Variants in WDPCP observed in about 807,000 individuals in gnomAD.
WDPCP encodes WD repeat containing planar cell polarity effector.
A neutral mutation model predicts 93.1 loss-of-function variants in WDPCP; 71 were observed. The observed-to-expected ratio is 0.76, with a 90% CI of 0.63 to 0.93. WDPCP has a LOEUF of 0.93. WDPCP is among the 40% of genes least tolerant of loss of function. WDPCP has a pLI of 0.00. For missense variants in WDPCP, 844 were observed against 887.4 expected, an observed-to-expected ratio of 0.95 and a Z score of 0.62; for synonymous variants, 315 against 315.0, an observed-to-expected ratio of 1.00 and a Z score of 0.00.
At chr2:63,446,699 T>C (rs139075703) in intron 6 of WDPCP, among the ~76,000 whole-genome samples, 1 of 152,330 alleles carries the variant, frequency 6.6e-6, no homozygotes, top group Admixed American at 6.5e-5. Context: ...TGTGTGTCTC[T>C]AACCATGTTC....
At chr2:63,314,770 C>T (rs1172922840) in intron 12 of WDPCP, among the ~76,000 whole-genome samples, 1 of 152,126 alleles carries the variant, frequency 6.6e-6, no homozygotes, top group African/African-American at 2.4e-5. Flanking sequence ...GCTTACAAAT[C>T]TACACCTCCG....
Position 63,404,291 on chromosome 2 carries a change from G to A in WDPCP, c.1192C>T (p.Gln398Ter). Reference protein sequence around the residue: ...SGAILLVGSNQGELQIFDMAL... With the variant: ...SGAILLVGSN ...ATATCAAAAATTTGCAACTCCCCTTGGTTGCTGCCAACTAGCAGAATGGCA... is the reference window on the plus strand; with the variant it reads ...ATATCAAAAATTTGCAACTCCCCTTAGTTGCTGCCAACTAGCAGAATGGCA... Residue 398 changes from glutamine (Q) to a stop codon, truncating the protein, a stop_gained, in exon 10 of 18, where the codon CAA becomes TAA. Transcript: ENST00000272321. LOFTEE classifies it high-confidence loss of function. The A allele has an allele frequency of 6.2e-7, 1 of 1,614,098 alleles. No homozygotes were observed. The highest frequency in any genetic ancestry group is 8.5e-7 in the Non-Finnish European group (1 of 1,179,996).
chr2:63,252,061 A>G (rs1383452417), intron 14 of WDPCP, among the ~76,000 whole-genome samples: 1 of 152,234 alleles, frequency 6.6e-6, no homozygotes, highest in Admixed American at 6.5e-5. Flanking sequence ...CATTGAATCC[A>G]GCAGCAAATC....
intron 9 of WDPCP, among the ~76,000 whole-genome samples, chr2:63,408,779 C>T (rs569932387): frequency 6.6e-6 from 1 of 152,038 alleles, no homozygotes; most frequent in African/African-American, 2.4e-5. Context: ...TGCCGGCTCT[C>T]CCCGACTTCC....
intron 13 of WDPCP, among the ~76,000 whole-genome samples, chr2:63,309,796 A>C (rs1686039159): frequency 1.3e-5 from 2 of 149,578 alleles, no homozygotes; most frequent in Admixed American, 6.6e-5. Context: ...GAATTAAAAC[A>C]AAAAAAAACC....
intron 2 of WDPCP, among the ~76,000 whole-genome samples, chr2:63,687,593 T>A (rs1410465381): frequency 1.3e-5 from 2 of 152,112 alleles, no homozygotes; most frequent in Non-Finnish European, 2.9e-5. Context: ...GTGCTCAATA[T>A]CATTCATCAT....
At chr2:63,470,440 C>T (rs1699625466) in intron 6 of WDPCP, among the ~76,000 whole-genome samples, 1 of 152,142 alleles carries the variant, frequency 6.6e-6, no homozygotes, top group Admixed American at 6.6e-5. Flanking sequence ...TCCATTCTTC[C>T]AATTCCTCAG....
At chr2:63,681,603 G>A (rs1453375027) in intron 2 of WDPCP, among the ~76,000 whole-genome samples, 1 of 152,088 alleles carries the variant, frequency 6.6e-6, no homozygotes, top group Non-Finnish European at 1.5e-5. Context: ...ATTTCCCTGG[G>A]GCAACTCACC....
chr2:63,277,019 C>T (rs368346874), intron 13 of WDPCP, among the ~76,000 whole-genome samples: 10 of 152,080 alleles, frequency 6.6e-5, no homozygotes, highest in East Asian at 3.9e-4. Flanking sequence ...ATCAGAGTAA[C>T]GCATATTTCT....
intron 2 of WDPCP, among the ~76,000 whole-genome samples, chr2:63,679,300 G>A (rs1399667994): frequency 6.6e-6 from 1 of 152,020 alleles, no homozygotes; most frequent in Non-Finnish European, 1.5e-5. Flanking sequence ...ATGGAGTCAT[G>A]GAATTAATCT....
At chr2:63,694,694 G>A (rs1476292704) in intron 2 of WDPCP, among the ~76,000 whole-genome samples, 3 of 152,048 alleles carry the variant, frequency 2.0e-5, no homozygotes, top group African/African-American at 7.2e-5. Context: ...AGAGTAGGAA[G>A]CATAAAAAAG....
intron 2 of WDPCP, among the ~76,000 whole-genome samples, chr2:63,688,523 G>GGGGGGATGATTAAAGGGTGCAAA (rs58986536): frequency 6.6e-6 from 1 of 151,730 alleles, no homozygotes; most frequent in Admixed American, 6.6e-5. Flanking sequence ...GTTGGGGAGA[G>GGGGGGATGATTAAAGGGTGCAAA]AAATAGTTAG....
chr2:63,210,094 G>C (rs1160516374), intron 14 of WDPCP, among the ~76,000 whole-genome samples: 1 of 151,662 alleles, frequency 6.6e-6, no homozygotes, highest in African/African-American at 2.4e-5. Context: ...GAAAACAATG[G>C]CTATGCTATA....
rs13420954 is a variant in WDPCP, at chr2:63,291,802, C to G, written c.1812+21446G>C. On this transcript the variant is annotated intron_variant, in intron 13 of 17. Coordinates refer to ENST00000272321, the MANE Select transcript of WDPCP (RefSeq NM_015910.7). ...CCAGCCTGGGCAACAGAGTGAGATT[C>G]TCTTACAAAAAAAAAAAAAGAAAAG... Among the ~76,000 whole-genome samples, 7 of 89,450 alleles carry G rather than the reference C, an allele frequency of 7.8e-5. No individual in the cohort carries two copies. The South Asian group carries it at 3.3e-3, about 42-fold the overall frequency. 58.7% of individuals were successfully genotyped at this position (89,450 alleles called of 152,430 possible).
chr2:63,538,330 A>G lies in WDPCP; in HGVS notation c.76-45390T>C, dbSNP rs981054901. ...TAAAATAAAAATTGACTTACTCTAC[A>G]TGAATTCATTAATATGCTAGTGTAG... is the stretch of plus-strand genomic sequence containing the variant. On this transcript the variant is annotated intron_variant, in intron 1 of 17. Coordinates refer to ENST00000272321, the MANE Select transcript of WDPCP (RefSeq NM_015910.7). 4.6e-5 allele frequency among the ~76,000 whole-genome samples: 7 copies of G among 152,226 alleles called. No individual in the cohort carries two copies. The East Asian group carries it at 1.3e-3, about 29-fold the overall frequency.
At chr2:63,768,942 T>C (rs1426564233) in intron 2 of WDPCP, among the ~76,000 whole-genome samples, 2 of 151,900 alleles carry the variant, frequency 1.3e-5, no homozygotes, top group Non-Finnish European at 2.9e-5. Context: ...TAGAGATTAG[T>C]GGGATTCATT....
At chr2:63,597,991 A>C (rs1228532527) in intron 3 of WDPCP, 2 of 152,686 alleles carry the variant, frequency 1.3e-5, no homozygotes, top group Non-Finnish European at 2.9e-5. Flanking sequence ...AGATTTTCTT[A>C]ATGCAGAGGA....
At chr2:63,410,487 C>A (rs528704499) in intron 9 of WDPCP, among the ~76,000 whole-genome samples, 98 of 152,142 alleles carry the variant, frequency 6.4e-4, no homozygotes, top group East Asian at 7.7e-4. Flanking sequence ...AAACAAAAAA[C>A]CAAAAGTACA....
At chr2:63,538,078 G>C (rs1465773686) in intron 1 of WDPCP, among the ~76,000 whole-genome samples, 1 of 151,820 alleles carries the variant, frequency 6.6e-6, no homozygotes, top group African/African-American at 2.4e-5. Flanking sequence ...TTTCAGATAG[G>C]TCAAAATAAA....
Sources: gnomAD v4.1 joint callset for allele counts (sites outside exome capture counted in the v4.1 genomes callset) on GRCh38, gnomAD v4.1.1 for gene constraint, MANE v1.5 for transcripts, NCBI Gene and HGNC (gene_info 2026-07-23, HGNC 2026-07-21) for gene names.